Variants in TAF8 observed in about 807,000 individuals in gnomAD.
TAF8 encodes transcription initiation factor TFIID subunit 8.
Under a neutral mutation model 36.5 loss-of-function variants are expected in TAF8, and 47 were observed. The observed-to-expected ratio is 1.29, with a 90% CI of 1.02 to 1.64. The LOEUF is 1.64. Ranked by LOEUF, TAF8 falls within the 40% of genes most tolerant of loss-of-function variation. The pLI, the probability that TAF8 is intolerant of heterozygous loss-of-function variation, is 0.00. For synonymous variants in TAF8, 175 were observed against 159.5 expected (o/e 1.10, Z -0.73); for missense variants, 420 against 407.6 (o/e 1.03, Z -0.26).
chr6:42,080,247 T>A lies in TAF8; in HGVS notation c.*2702T>A. The stretch of plus-strand genomic sequence containing the variant: ...CCAGTCAGTGTTTCTGCAGCTTCCA[T>A]TTGTTGTTGTTATCCAGTGTAAGCA... On this transcript the variant is annotated 3_prime_UTR_variant, in exon 9 of 9. Coordinates refer to ENST00000372977, the MANE Select transcript of TAF8 (RefSeq NM_138572.3). The A allele has an allele frequency of 1.0e-6, 1 of 985,548 alleles. No individual in the cohort carries two copies. The highest frequency in any genetic ancestry group is 4.7e-5 in the South Asian group (1 of 21,290). 61.1% of individuals were successfully genotyped at this position (985,548 alleles called of 1,614,324 possible). A position where few individuals can be genotyped will look rare whatever the true frequency, so the allele number is the denominator to read the frequency against.
chr6:42,073,002 C>G (rs11754740), intron 7 of TAF8, among the ~76,000 whole-genome samples: 28,518 of 152,038 alleles, frequency 0.19, 2,809 homozygotes, highest in East Asian at 0.26. Context: ...GGATTACAGG[C>G]GTGAGCCACC....
At chr6:42,068,414 G>C (rs1316702217) in intron 6 of TAF8, 51 bp from the exon 7 acceptor site, 1 of 1,609,488 alleles carries the variant, frequency 6.2e-7, no homozygotes, top group Non-Finnish European at 8.5e-7. Context: ...CTCTAAGCCA[G>C]CTGCGAGGTC....
chr6:42,067,370 C>T (rs1765401197), intron 6 of TAF8, among the ~76,000 whole-genome samples: 1 of 152,038 alleles, frequency 6.6e-6, no homozygotes, highest in African/African-American at 2.4e-5. Flanking sequence ...GGAGCCACCA[C>T]ACCCAGCTAA....
At chr6:42,074,016 TGTG>T (rs995596488) in intron 7 of TAF8, among the ~76,000 whole-genome samples, 15 of 152,100 alleles carry the variant, frequency 9.9e-5, no homozygotes, top group African/African-American at 2.4e-4. Context: ...GTGTGCCAGG[TGTG>T]GTGGTGCATG....
Position 42,057,483 on chromosome 6 carries a change from C to T in TAF8, c.459C>T (p.Phe153=), listed in dbSNP as rs756879686. 2 of 1,614,124 alleles carry T rather than the reference C, an allele frequency of 1.2e-6. No homozygotes were observed. Among genetic ancestry groups the T allele is most frequent in the Non-Finnish European group, 1.7e-6 (2 of 1,180,030 alleles). Residue 153 remains phenylalanine (F), a synonymous_variant, in exon 5 of 9, where the codon TTC becomes TTT. Transcript: ENST00000372977. ...PPHIPSHFPE[F]PDPHTYIKTP... ...ACATCCCCAGCCATTTTCCTGAGTT[C>T]CCTGATCCCCACACCTACATCAAAA...
At chr6:42,066,886 A>T (rs931687026) in intron 6 of TAF8, among the ~76,000 whole-genome samples, 11 of 152,150 alleles carry the variant, frequency 7.2e-5, no homozygotes, top group African/African-American at 2.7e-4. Context: ...GTTTTTACAA[A>T]TGTGAGTGAG....
chr6:42,084,008 C>T (rs554864498), downstream of TAF8, among the ~76,000 whole-genome samples: 75 of 151,916 alleles, frequency 4.9e-4, 1 homozygote, highest in South Asian at 0.013. Context: ...AGTGAAACCC[C>T]GTCTCTACTA....
chr6:42,050,880 G>T, intron 1 of TAF8: 1 of 1,188,696 alleles, frequency 8.4e-7, no homozygotes. Flanking sequence ...AAAGTTGAAA[G>T]GCATTCCCGT....
At position 42,055,959 on chromosome 6, in the gene TAF8, T is replaced by C. The variant is rs1262993724; in HGVS notation, c.309T>C (p.Asn103=). 1.9e-6 allele frequency: 3 copies of C among 1,612,122 alleles called. No homozygotes were observed. The highest frequency in any genetic ancestry group is 2.2e-5 in the East Asian group (1 of 44,884). Reference sequence around the variant, plus strand: ...TGTTTTCCTGTCTCTTAGGTTTCAATGTGGACACTCTCCCTGCTTATGCAA... The same window carrying C: ...TGTTTTCCTGTCTCTTAGGTTTCAACGTGGACACTCTCCCTGCTTATGCAA... ...IVVTLVEMGF[N]VDTLPAYAKR... is the part of the protein sequence containing the mutation. Residue 103 remains asparagine (N), a synonymous_variant, in exon 4 of 9, where the codon AAT becomes AAC. Transcript: ENST00000372977.
intron 1 of TAF8, chr6:42,051,141 G>A: frequency 1.6e-6 from 2 of 1,268,062 alleles, no homozygotes; most frequent in South Asian, 2.1e-5. Flanking sequence ...CATTGGGACT[G>A]TACGTTTTAG....
At position 42,081,807 on chromosome 6, in the gene TAF8, T is replaced by C. The variant is rs1284115680; in HGVS notation, c.*4262T>C. 1 of 152,216 alleles carries C rather than the reference T, an allele frequency of 6.6e-6. No homozygotes were observed. The highest frequency in any genetic ancestry group is 1.5e-5 in the Non-Finnish European group (1 of 68,038). The allele number at this position is 152,216 out of a possible 1,614,324, so 9.4% of individuals were successfully genotyped here. On this transcript the variant is annotated 3_prime_UTR_variant, in exon 9 of 9. Coordinates refer to ENST00000372977, the MANE Select transcript of TAF8 (RefSeq NM_138572.3). ...AGGCGTGAGCCCCCGCGCCTGGCTC[T>C]TCTGGAGTATTTTTAAATGCAAACT...
At chr6:42,077,352 TGA>T in intron 8 of TAF8, 113 bp downstream of exon 8, 4 of 1,499,508 alleles carry the variant, frequency 2.7e-6, no homozygotes, top group Non-Finnish European at 3.6e-6. Context: ...GCCACTCTGG[TGA>T]GAGGGAATAG....
intron 8 of TAF8, 98 bp downstream of exon 8, chr6:42,077,337 G>A: frequency 6.6e-7 from 1 of 1,513,990 alleles, no homozygotes; most frequent in East Asian, 2.4e-5. Flanking sequence ...GGAGCCTTGG[G>A]GAAAGCCACT....
At chr6:42,086,816 A>C (rs2127469523), downstream of TAF8, 3 of 1,458,338 alleles carry the variant, frequency 2.1e-6, no homozygotes, top group South Asian at 3.7e-5. Flanking sequence ...AAGGTCAAGA[A>C]AGACACACAC....
chr6:42,069,595 A>C (rs922743882), intron 7 of TAF8, among the ~76,000 whole-genome samples: 2 of 152,200 alleles, frequency 1.3e-5, no homozygotes, highest in African/African-American at 4.8e-5. Flanking sequence ...GGGGGAAGTC[A>C]GGAGTTGATG....
intron 2 of TAF8, among the ~76,000 whole-genome samples, chr6:42,052,834 A>G (rs895799024): frequency 1.3e-5 from 2 of 152,108 alleles, no homozygotes; most frequent in Non-Finnish European, 2.9e-5. Context: ...TGTGGGGTGC[A>G]ATGCAGGCCC....
chr6:42,070,769 CT>C (rs968268170), intron 7 of TAF8, among the ~76,000 whole-genome samples: 17 of 152,142 alleles, frequency 1.1e-4, no homozygotes, highest in African/African-American at 4.1e-4. Context: ...TGGGAATGAT[CT>C]AGTCAAAAGG....
downstream of TAF8, among the ~76,000 whole-genome samples, chr6:42,084,953 C>G (rs9471754): frequency 0.53 from 80,645 of 151,964 alleles, 22,727 homozygotes; most frequent in East Asian, 0.66. Context: ...TGAGTTGGGG[C>G]GTATTGCCTC....
chr6:42,058,415 A>G (rs1323357117), intron 5 of TAF8, among the ~76,000 whole-genome samples: 1 of 152,114 alleles, frequency 6.6e-6, no homozygotes, highest in Non-Finnish European at 1.5e-5. Flanking sequence ...ATGATAATGA[A>G]ATGGAACTTA....
Sources: gnomAD v4.1 joint callset for allele counts (sites outside exome capture counted in the v4.1 genomes callset) on GRCh38, gnomAD v4.1.1 for gene constraint, MANE v1.5 for transcripts, NCBI Gene and HGNC (gene_info 2026-07-23, HGNC 2026-07-21) for gene names.